The following PALM2AKAP2 variants were observed in gnomAD, a reference collection of about 807,000 sequenced individuals.
PALM2AKAP2 encodes the protein PALM2-AKAP2 fusion protein.
Under a neutral mutation model 71.5 loss-of-function variants are expected in PALM2AKAP2, and 37 were observed. The observed-to-expected ratio is 0.52, with a 90% CI of 0.40 to 0.68. PALM2AKAP2 has a LOEUF of 0.68. Ranked by LOEUF, PALM2AKAP2 falls within the 30% of genes least tolerant of loss-of-function variation. The pLI is 0.00. For missense variants in PALM2AKAP2, 1,224 were observed against 1,191.8 expected, an observed-to-expected ratio of 1.03 and a Z score of -0.40; for synonymous variants, 468 against 478.8, an observed-to-expected ratio of 0.98 and a Z score of 0.29.
At chr9:110,036,239 G>A (rs941475467) in intron 7 of PALM2AKAP2, among the ~76,000 whole-genome samples, 2 of 152,122 alleles carry the variant, frequency 1.3e-5, no homozygotes, top group Non-Finnish European at 2.9e-5. Flanking sequence ...CAGGCCCTGT[G>A]CTTTGTTTTT....
At chr9:110,036,205 G>C (rs1446946950) in intron 7 of PALM2AKAP2, among the ~76,000 whole-genome samples, 1 of 152,138 alleles carries the variant, frequency 6.6e-6, no homozygotes, top group Non-Finnish European at 1.5e-5. Context: ...AAAGTGCTGG[G>C]ATTACAGGCG....
At chr9:110,066,439 G>A (rs1485162956) in intron 1 of PALM2AKAP2, among the ~76,000 whole-genome samples, 2 of 152,202 alleles carry the variant, frequency 1.3e-5, no homozygotes, top group Non-Finnish European at 2.9e-5. Flanking sequence ...ATTCATGCCT[G>A]TAATCCCAGC....
chr9:109,853,370 A>G (rs1829072490), intron 1 of PALM2AKAP2, among the ~76,000 whole-genome samples: 1 of 152,144 alleles, frequency 6.6e-6, no homozygotes, highest in Admixed American at 6.5e-5. Flanking sequence ...TAGCTTTCCA[A>G]TCTTTTCCAT....
chr9:109,862,588 T>C (rs1005949586), intron 1 of PALM2AKAP2, among the ~76,000 whole-genome samples: 1 of 152,204 alleles, frequency 6.6e-6, no homozygotes, highest in Non-Finnish European at 1.5e-5. Context: ...CTTGGATCAA[T>C]AGCTATTGCA....
At chr9:109,662,093 A>G (rs1041225948) in intron 1 of PALM2AKAP2, among the ~76,000 whole-genome samples, 21 of 152,290 alleles carry the variant, frequency 1.4e-4, no homozygotes, top group South Asian at 4.1e-4. Flanking sequence ...TTCTAAATAT[A>G]CAATCATGTC....
intron 1 of PALM2AKAP2, among the ~76,000 whole-genome samples, chr9:109,730,792 A>G (rs958496680): frequency 1.3e-5 from 2 of 152,198 alleles, no homozygotes; most frequent in Non-Finnish European, 2.9e-5. Context: ...ATAATCTCCA[A>G]AGATGTTAGG....
intron 6 of PALM2AKAP2, among the ~76,000 whole-genome samples, chr9:110,006,370 C>CTTT (rs778951404): frequency 8.6e-6 from 1 of 116,564 alleles, no homozygotes; most frequent in African/African-American, 3.3e-5. Context: ...TTCTTTCTTT[C>CTTT]TTCTCTCTTT....
intron 6 of PALM2AKAP2, among the ~76,000 whole-genome samples, chr9:109,962,112 A>G (rs1057177001): frequency 1.3e-5 from 2 of 152,236 alleles, no homozygotes; most frequent in African/African-American, 2.4e-5. Context: ...GAGACTGTGC[A>G]GGTGCTGCCC....
At chr9:109,775,337 G>A (rs898924076), upstream of PALM2AKAP2, among the ~76,000 whole-genome samples, 1 of 152,178 alleles carries the variant, frequency 6.6e-6, no homozygotes, top group African/African-American at 2.4e-5. Flanking sequence ...TATACCTTAA[G>A]CAACATTCAG....
At chr9:109,957,134 C>A (rs113696697) in intron 6 of PALM2AKAP2, among the ~76,000 whole-genome samples, 8 of 152,140 alleles carry the variant, frequency 5.3e-5, no homozygotes, top group Admixed American at 5.2e-4. Flanking sequence ...AGATCACGAT[C>A]GTTTAAACAA....
intron 1 of PALM2AKAP2, among the ~76,000 whole-genome samples, chr9:110,058,277 G>C (rs977010166): frequency 4.6e-5 from 7 of 152,132 alleles, no homozygotes; most frequent in African/African-American, 1.7e-4. Context: ...GAGAAAAAGA[G>C]CTTAAACTGA....
intron 1 of PALM2AKAP2, among the ~76,000 whole-genome samples, chr9:109,835,308 G>A (rs1179512800): frequency 7.0e-6 from 1 of 143,346 alleles, no homozygotes; most frequent in Non-Finnish European, 1.5e-5. Flanking sequence ...GGAAAGAGGG[G>A]AGGGTGGAGA....
At chr9:109,696,816 T>C (rs542577457) in intron 1 of PALM2AKAP2, among the ~76,000 whole-genome samples, 2 of 152,166 alleles carry the variant, frequency 1.3e-5, no homozygotes, top group Admixed American at 1.3e-4. Flanking sequence ...CTTCCTCACC[T>C]GGAAGTAGCT....
At chr9:109,750,887 G>A (rs1828879028) in intron 1 of PALM2AKAP2, among the ~76,000 whole-genome samples, 1 of 152,030 alleles carries the variant, frequency 6.6e-6, no homozygotes, top group Non-Finnish European at 1.5e-5. Context: ...AGATCTTTAT[G>A]GTTACATTAA....
intron 2 of PALM2AKAP2, among the ~76,000 whole-genome samples, chr9:110,145,891 C>CTTTTTTTTTTTTTTTTTTTT (rs61137720): frequency 1.6e-5 from 1 of 64,454 alleles, no homozygotes; most frequent in African/African-American, 6.6e-5. Context: ...CCTCACTCTT[C>CTTTTTTTTTTTTTTTTTTTT]TTTTTTTTTT....
intron 6 of PALM2AKAP2, chr9:109,942,992 T>C (rs1372312028): frequency 1.9e-6 from 3 of 1,614,146 alleles, no homozygotes; most frequent in South Asian, 2.2e-5. Flanking sequence ...AAGGAACACA[T>C]GCTCTGCAAA....
At chr9:109,701,100 A>G (rs1446007369) in intron 1 of PALM2AKAP2, among the ~76,000 whole-genome samples, 2 of 152,224 alleles carry the variant, frequency 1.3e-5, no homozygotes, top group African/African-American at 4.8e-5. Context: ...TGGGGTATAT[A>G]TATTATGGAT....
At chr9:109,834,817 T>C (rs1479450856) in intron 1 of PALM2AKAP2, among the ~76,000 whole-genome samples, 1 of 152,218 alleles carries the variant, frequency 6.6e-6, no homozygotes, top group Admixed American at 6.5e-5. Flanking sequence ...GCCACGAGAA[T>C]GGACCTGGGA....
At chr9:109,727,156 C>T (rs1035241509) in intron 1 of PALM2AKAP2, among the ~76,000 whole-genome samples, 6 of 152,194 alleles carry the variant, frequency 3.9e-5, no homozygotes, top group Admixed American at 3.9e-4. Context: ...TTTTCTTGCT[C>T]TCTGCCTCCC....
Sources: gnomAD v4.1 joint callset for allele counts (sites outside exome capture counted in the v4.1 genomes callset) on GRCh38, gnomAD v4.1.1 for gene constraint, MANE v1.5 for transcripts, NCBI Gene and HGNC (gene_info 2026-07-23, HGNC 2026-07-21) for gene names.